Variants in CNIH3 observed in about 807,000 individuals in gnomAD.
CNIH3 encodes cornichon family AMPA receptor auxiliary protein 3.
CNIH3 carries 14 observed loss-of-function variants against 24.1 expected under a neutral mutation model. The observed-to-expected ratio is 0.58, with a 90% confidence interval of 0.38 to 0.91. The LOEUF is 0.91. Among genes scored for constraint, CNIH3 ranks in the 40% least tolerant of loss-of-function variants. The pLI is 0.00. For synonymous variants in CNIH3, 68 were observed against 73.8 expected (o/e 0.92, Z 0.40); for missense variants, 178 against 196.8 (o/e 0.90, Z 0.57).
At chr1:224,463,770 CTCATTTTTTTTTTTTTTTT>C (rs1389116002) in intron 1 of CNIH3, among the ~76,000 whole-genome samples, 5 of 87,070 alleles carry the variant, frequency 5.7e-5, no homozygotes, top group Non-Finnish European at 8.2e-5. Context: ...ATGAATTGTC[CTCATTTTTTTTTTTTTTTT>C]TTTTTTTTTT....
At chr1:224,497,055 A>T (rs554410784) in intron 1 of CNIH3, among the ~76,000 whole-genome samples, 12 of 152,366 alleles carry the variant, frequency 7.9e-5, no homozygotes, top group Admixed American at 7.8e-4. Context: ...AAAAGGAATG[A>T]AGTACTATTA....
intron 1 of CNIH3, among the ~76,000 whole-genome samples, chr1:224,452,608 C>G (rs189152112): frequency 6.6e-6 from 1 of 151,008 alleles, no homozygotes; most frequent in East Asian, 2.0e-4. Flanking sequence ...GGTGAAACCC[C>G]GTCTCTACTA....
At chr1:224,548,035 T>C (rs1268002753) in intron 3 of CNIH3, among the ~76,000 whole-genome samples, 1 of 151,966 alleles carries the variant, frequency 6.6e-6, no homozygotes, top group East Asian at 1.9e-4. Flanking sequence ...CCACATGATA[T>C]TATTCATAAC....
chr1:224,458,328 G>C lies in CNIH3; in HGVS notation n.203+23466G>C, dbSNP rs943844757. Among the ~76,000 whole-genome samples the C allele has an allele frequency of 6.6e-6, 1 of 152,180 alleles. No homozygotes were observed. Among genetic ancestry groups the C allele is most frequent in the Admixed American group, 6.5e-5 (1 of 15,276 alleles). ...TGCTCTGTCAGTATTGATTCTTCAG[G>C]GGCAGGCTGCCCACTTACCAAAGTT... On this transcript the variant is annotated intron_variant and non_coding_transcript_variant, in intron 1 of 5. Transcript: ENST00000471578. This position sits in a 1 kb window ranked among gnomAD's most constrained non-coding sequence, Gnocchi z 4.3.
intron 1 of CNIH3, among the ~76,000 whole-genome samples, chr1:224,632,925 C>T (rs576109214): frequency 1.3e-5 from 2 of 152,220 alleles, no homozygotes; most frequent in South Asian, 2.1e-4. Flanking sequence ...TGCTGAGGGG[C>T]ACTCCTTAGC....
chr1:224,600,024 TC>T (rs1364831335), intron 3 of CNIH3, among the ~76,000 whole-genome samples: 1 of 152,218 alleles, frequency 6.6e-6, no homozygotes, highest in African/African-American at 2.4e-5. Context: ...AGTAATGTTT[TC>T]CAACAAGTGG....
intron 1 of CNIH3, among the ~76,000 whole-genome samples, chr1:224,478,081 G>C (rs1372136586): frequency 3.9e-5 from 6 of 152,072 alleles, no homozygotes; most frequent in African/African-American, 1.4e-4. Context: ...GCTGCTTTTA[G>C]AATCCTTTCT....
At chr1:224,695,545 T>C (rs1446803932) in intron 3 of CNIH3, among the ~76,000 whole-genome samples, 1 of 152,174 alleles carries the variant, frequency 6.6e-6, no homozygotes, top group African/African-American at 2.4e-5. Flanking sequence ...AATTATCTGC[T>C]CACCAGATGG....
chr1:224,495,587 G>T (rs1005974706), intron 1 of CNIH3, among the ~76,000 whole-genome samples: 1 of 152,342 alleles, frequency 6.6e-6, no homozygotes, highest in African/African-American at 2.4e-5. Context: ...TCTTACAGCA[G>T]TGGTGTCACA....
intron 4 of CNIH3, among the ~76,000 whole-genome samples, chr1:224,732,512 A>G (rs1689392101): frequency 1.3e-5 from 2 of 152,298 alleles, no homozygotes; most frequent in Non-Finnish European, 2.9e-5. Context: ...GGACACAGAG[A>G]CTCACAAAGG....
chr1:224,653,531 A>T (rs1684961210), intron 1 of CNIH3, among the ~76,000 whole-genome samples: 1 of 152,018 alleles, frequency 6.6e-6, no homozygotes, highest in South Asian at 2.1e-4. Context: ...GTTTTCGATG[A>T]GGAGCAATGG....
At chr1:224,673,148 A>G (rs1685951844) in intron 1 of CNIH3, among the ~76,000 whole-genome samples, 1 of 152,216 alleles carries the variant, frequency 6.6e-6, no homozygotes, top group South Asian at 2.1e-4. Context: ...CACTGGTTTC[A>G]CACTGATCAA....
At chr1:224,538,663 C>CA (rs1553264651), downstream of CNIH3, among the ~76,000 whole-genome samples, 3 of 139,780 alleles carry the variant, frequency 2.1e-5, no homozygotes, top group Non-Finnish European at 4.6e-5. Context: ...CTCTCTCTCT[C>CA]TTTTTTTTTT....
In CNIH3 at chr1:224,721,968, G is replaced by A. The variant is rs9651007; in HGVS notation, c.199-8494G>A. ...GGAAGCCTCAGGGGTGCTCTCCCAC[G>A]GGGTGGTGTGTGGGAAAGCCAGGAG... On this transcript the variant is annotated intron_variant, in intron 3 of 5. Coordinates refer to ENST00000272133, the MANE Select transcript of CNIH3 (RefSeq NM_152495.2). Among the ~76,000 whole-genome samples, 519 of 152,244 alleles carry A rather than the reference G, an allele frequency of 3.4e-3. 3 individuals are homozygous for A. The highest frequency in any genetic ancestry group is 0.012 in the African/African-American group (499 of 41,546).
chr1:224,439,343 C>T (rs1412120484), intron 1 of CNIH3, among the ~76,000 whole-genome samples: 2 of 152,162 alleles, frequency 1.3e-5, no homozygotes, highest in Non-Finnish European at 2.9e-5. Context: ...TATTCACCTT[C>T]CTCTAGGTGG....
chr1:224,540,309 G>C (rs1276301927), downstream of CNIH3, among the ~76,000 whole-genome samples: 1 of 152,128 alleles, frequency 6.6e-6, no homozygotes, highest in African/African-American at 2.4e-5. Context: ...CAATAATAAG[G>C]CTTTCTAAAC....
intron 3 of CNIH3, among the ~76,000 whole-genome samples, chr1:224,564,522 G>A (rs569309411): frequency 6.6e-6 from 1 of 152,334 alleles, no homozygotes; most frequent in African/African-American, 2.4e-5. Context: ...TGGCAACCCA[G>A]CATTTTTATC....
chr1:224,468,991 A>G (rs1676259648), intron 1 of CNIH3, among the ~76,000 whole-genome samples: 1 of 151,692 alleles, frequency 6.6e-6, no homozygotes, highest in Non-Finnish European at 1.5e-5. Context: ...TAGTTTGTGA[A>G]ACTTTTTTTT....
chr1:224,520,872 T>C (rs1312439828), intron 1 of CNIH3: 1 of 152,164 alleles, frequency 6.6e-6, no homozygotes, highest in Non-Finnish European at 1.5e-5. Flanking sequence ...TGAAAACCAA[T>C]GGCTTTATAC....
Sources: allele counts gnomAD v4.1 joint callset (sites outside exome capture counted in the v4.1 genomes callset), GRCh38; gene constraint gnomAD v4.1.1; non-coding constraint Gnocchi (gnomAD v3.1); transcripts MANE v1.5; gene names NCBI Gene and HGNC (gene_info 2026-07-23, HGNC 2026-07-21).